Variants in SORCS1 observed in about 807,000 individuals in gnomAD.
SORCS1 encodes sortilin related VPS10 domain containing receptor 1, also known as VPS10 domain-containing receptor SorCS1.
SORCS1 carries 60 observed loss-of-function variants against 146.1 expected under a neutral mutation model. The observed-to-expected ratio is 0.41, with a 90% CI of 0.33 to 0.51. The LOEUF (loss-of-function observed/expected upper bound fraction) is 0.51, where lower values mean the gene tolerates loss of function less well. Ranked by LOEUF, SORCS1 falls within the 20% of genes least tolerant of loss-of-function variation. The pLI, the probability that SORCS1 is intolerant of heterozygous loss-of-function variation, is 0.21. For missense variants in SORCS1, 1,352 were observed against 1,487.6 expected (o/e 0.91, Z 1.50); for synonymous variants, 637 against 584.0 (o/e 1.09, Z -1.31).
chr10:106,669,532 A>C (rs1410188016), intron 16 of SORCS1, among the ~76,000 whole-genome samples: 1 of 152,216 alleles, frequency 6.6e-6, no homozygotes, highest in Non-Finnish European at 1.5e-5. Flanking sequence ...AGAAAGAGGG[A>C]TGCAATGAAT....
intron 20 of SORCS1, among the ~76,000 whole-genome samples, chr10:106,618,858 T>C (rs915812583): frequency 3.9e-5 from 6 of 152,006 alleles, no homozygotes; most frequent in African/African-American, 1.2e-4. Flanking sequence ...CAAGCACTAA[T>C]TGGATAGTGG....
intron 1 of SORCS1, among the ~76,000 whole-genome samples, chr10:107,035,262 C>CAAAAAAAAAAAA (rs201009614): frequency 1.1e-4 from 3 of 28,300 alleles, no homozygotes; most frequent in Non-Finnish European, 1.5e-4. Flanking sequence ...AGTGAAGCTT[C>CAAAAAAAAAAAA]AAAAAAAAAA....
At chr10:106,754,412 A>G (rs1858483993) in intron 5 of SORCS1, among the ~76,000 whole-genome samples, 1 of 152,208 alleles carries the variant, frequency 6.6e-6, no homozygotes, top group African/African-American at 2.4e-5. Flanking sequence ...GTTCCTTCTG[A>G]CTTTCCAGAC....
chr10:106,968,546 A>T (rs1217937161), intron 1 of SORCS1, among the ~76,000 whole-genome samples: 1 of 152,228 alleles, frequency 6.6e-6, no homozygotes, highest in Non-Finnish European at 1.5e-5. Flanking sequence ...TTCCATTTCC[A>T]CTTCGCCATC....
intron 3 of SORCS1, among the ~76,000 whole-genome samples, chr10:106,813,167 CT>C (rs1947562792): frequency 7.8e-6 from 1 of 128,280 alleles, no homozygotes; most frequent in South Asian, 2.6e-4. Context: ...GAGTCTTGCA[CT>C]GTCGCCCTCG....
chr10:107,098,056 TTGTGCAGGTCA>T (rs1416729814), intron 1 of SORCS1, among the ~76,000 whole-genome samples: 1 of 152,232 alleles, frequency 6.6e-6, no homozygotes, highest in Admixed American at 6.5e-5. Flanking sequence ...AGCATTCTCC[TTGTGCAGGTCA>T]TGTCTTAGTC....
intron 6 of SORCS1, among the ~76,000 whole-genome samples, chr10:106,727,627 A>G (rs1390027155): frequency 6.6e-6 from 1 of 152,228 alleles, no homozygotes; most frequent in Non-Finnish European, 1.5e-5. Flanking sequence ...AAGAAAGTAT[A>G]ATTTCAAACA....
intron 2 of SORCS1, among the ~76,000 whole-genome samples, chr10:106,847,986 A>C (rs2137228412): frequency 6.8e-6 from 1 of 147,918 alleles, no homozygotes; most frequent in African/African-American, 2.6e-5. Flanking sequence ...ACATTTGCTG[A>C]GGAGAGCTTT....
chr10:106,980,047 G>A (rs1391526347), intron 1 of SORCS1, among the ~76,000 whole-genome samples: 1 of 152,232 alleles, frequency 6.6e-6, no homozygotes, highest in Non-Finnish European at 1.5e-5. Flanking sequence ...CACATTGGCA[G>A]TTGGTGGCAG....
At chr10:106,984,596 T>C (rs1448453720) in intron 1 of SORCS1, among the ~76,000 whole-genome samples, 1 of 151,818 alleles carries the variant, frequency 6.6e-6, no homozygotes, top group African/African-American at 2.4e-5. Flanking sequence ...GGTTTCACCG[T>C]GTTAGCCAGG....
chr10:106,894,094 G>A (rs1371989730), intron 2 of SORCS1, among the ~76,000 whole-genome samples: 7 of 152,204 alleles, frequency 4.6e-5, no homozygotes. Context: ...AGAGGGGTGG[G>A]TGGAAGCAGC....
intron 2 of SORCS1, among the ~76,000 whole-genome samples, chr10:106,836,612 T>G (rs1282109256): frequency 6.6e-6 from 1 of 152,036 alleles, no homozygotes; most frequent in Non-Finnish European, 1.5e-5. Flanking sequence ...GAAAACCTAG[T>G]TGAGCATTTT....
intron 3 of SORCS1, among the ~76,000 whole-genome samples, chr10:106,816,951 T>A (rs1401924151): frequency 6.6e-6 from 1 of 152,206 alleles, no homozygotes; most frequent in Non-Finnish European, 1.5e-5. Flanking sequence ...TGTGGGAGTC[T>A]GTAAATGTCA....
At chr10:107,020,376 G>A (rs998541619) in intron 1 of SORCS1, among the ~76,000 whole-genome samples, 4 of 152,174 alleles carry the variant, frequency 2.6e-5, no homozygotes, top group African/African-American at 9.7e-5. Flanking sequence ...TGGAATATCT[G>A]TCCTCTTCAG....
At chr10:107,138,985 G>GAA (rs781562717) in intron 1 of SORCS1, among the ~76,000 whole-genome samples, 1 of 152,172 alleles carries the variant, frequency 6.6e-6, no homozygotes, top group Non-Finnish European at 1.5e-5. Context: ...TTTTGTGTGA[G>GAA]AAATTCCTCT....
At chr10:106,667,650 A>AC in intron 17 of SORCS1, 39 bp downstream of exon 17, 1 of 1,430,406 alleles carries the variant, frequency 7.0e-7, no homozygotes, top group Non-Finnish European at 9.9e-7. Flanking sequence ...GAAAGGCAGC[A>AC]AAGGTTGGCC....
chr10:106,612,713 G>A (rs746918407), intron 21 of SORCS1, among the ~76,000 whole-genome samples: 7 of 152,054 alleles, frequency 4.6e-5, no homozygotes, highest in Non-Finnish European at 8.8e-5. Flanking sequence ...TTGCCAGCAG[G>A]CTCTAAGAGC....
At chr10:106,755,675 C>T (rs1858581954) in intron 5 of SORCS1, among the ~76,000 whole-genome samples, 1 of 152,068 alleles carries the variant, frequency 6.6e-6, no homozygotes. Context: ...TAGGTCTCAA[C>T]CCCAGACTGT....
chr10:106,988,450 T>G (rs111284528), intron 1 of SORCS1, among the ~76,000 whole-genome samples: 1 of 152,204 alleles, frequency 6.6e-6, no homozygotes, highest in African/African-American at 2.4e-5. Context: ...AGTCTCTCAG[T>G]TGGACGTCTT....
Sources: allele counts gnomAD v4.1 joint callset (sites outside exome capture counted in the v4.1 genomes callset), GRCh38; gene constraint gnomAD v4.1.1; transcripts MANE v1.5; gene names NCBI Gene and HGNC (gene_info 2026-07-23, HGNC 2026-07-21).